The following MRC1 variants were observed in gnomAD, a reference collection of about 807,000 sequenced individuals.
The protein encoded by MRC1 is mannose receptor C-type 1, also known as macrophage mannose receptor 1.
Under a neutral mutation model 102.9 loss-of-function variants are expected in MRC1, and 62 were observed. The observed-to-expected ratio is 0.60, with a 90% CI of 0.49 to 0.74. The LOEUF is 0.74. Among genes scored for constraint, MRC1 ranks in the 30% least tolerant of loss-of-function variants. The pLI is 0.00. For synonymous variants in MRC1, 457 were observed against 298.4 expected (o/e 1.53, Z -5.48); for missense variants, 1,237 against 862.8 (o/e 1.43, Z -5.43).
chr10:17,828,304 C>T (rs1440623528), intron 3 of MRC1, among the ~76,000 whole-genome samples: 1 of 151,452 alleles, frequency 6.6e-6, no homozygotes, highest in African/African-American at 2.5e-5. Context: ...TCTCGATCTG[C>T]TAACCTCGTG....
At chr10:17,835,708 C>T (rs1255855243) in intron 4 of MRC1, among the ~76,000 whole-genome samples, 1 of 152,172 alleles carries the variant, frequency 6.6e-6, no homozygotes, top group Non-Finnish European at 1.5e-5. Context: ...AATTCAGTCT[C>T]CTGTTTGGAA....
chr10:17,899,356 C>T (rs965556554), intron 24 of MRC1, among the ~76,000 whole-genome samples: 4 of 152,158 alleles, frequency 2.6e-5, no homozygotes, highest in African/African-American at 9.7e-5. Context: ...TTTCTTCTCA[C>T]AGACATGTTC....
chr10:17,859,983 G>A (rs1439986789), intron 9 of MRC1, among the ~76,000 whole-genome samples: 1 of 152,056 alleles, frequency 6.6e-6, no homozygotes, highest in Admixed American at 6.6e-5. Flanking sequence ...TTTAACCAAG[G>A]GGTTACCGGG....
chr10:17,900,592 A>G (rs1297809779), intron 24 of MRC1, among the ~76,000 whole-genome samples, 196 bp from the exon 25 acceptor site: 16 of 152,190 alleles, frequency 1.1e-4, no homozygotes, highest in African/African-American at 3.6e-4. Context: ...TCTAAGAAAT[A>G]ACTGTTTCTA....
chr10:17,838,028 G>T (rs1406331239), intron 4 of MRC1, among the ~76,000 whole-genome samples: 1 of 151,908 alleles, frequency 6.6e-6, no homozygotes, highest in African/African-American at 2.4e-5. Flanking sequence ...GCAACCTCAT[G>T]AATAAATATT....
intron 29 of MRC1, among the ~76,000 whole-genome samples, chr10:17,909,639 G>T (rs1833942838): frequency 6.6e-6 from 1 of 150,472 alleles, no homozygotes; most frequent in African/African-American, 2.4e-5. Flanking sequence ...ATCTCTGTGG[G>T]TTTTTTTCTT....
intron 1 of MRC1, among the ~76,000 whole-genome samples, chr10:17,811,783 C>A (rs1053835660): frequency 0.077 from 11,664 of 151,940 alleles, 529 homozygotes; most frequent in Non-Finnish European, 0.097. Context: ...GATGGGGTCT[C>A]ACTATCTTGC....
chr10:17,899,859 G>A (rs1304828259), intron 24 of MRC1, among the ~76,000 whole-genome samples: 2 of 152,092 alleles, frequency 1.3e-5, no homozygotes, highest in South Asian at 2.1e-4. Flanking sequence ...AGCAGTTTGG[G>A]AGGCTGAGGC....
At chr10:17,879,114 C>T (rs1457549224) in intron 18 of MRC1, among the ~76,000 whole-genome samples, 3 of 152,088 alleles carry the variant, frequency 2.0e-5, no homozygotes, top group African/African-American at 4.8e-5. Context: ...CCGGGGAGTA[C>T]GATGGGAGGA....
chr10:17,845,500 C>G (rs900816145), intron 6 of MRC1, 65 bp downstream of exon 6: 8 of 776,292 alleles, frequency 1.0e-5, no homozygotes, highest in Non-Finnish European at 1.9e-5. Context: ...AACATTACAG[C>G]TTAGGTGTAA....
intron 2 of MRC1, among the ~76,000 whole-genome samples, chr10:17,826,098 G>C (rs1838470476): frequency 6.6e-6 from 1 of 152,042 alleles, no homozygotes; most frequent in African/African-American, 2.4e-5. Context: ...AAAGAAAAGA[G>C]GTCAATAACT....
intron 26 of MRC1, among the ~76,000 whole-genome samples, chr10:17,904,008 T>C (rs1454528001): frequency 1.3e-5 from 2 of 152,178 alleles, no homozygotes; most frequent in African/African-American, 2.4e-5. Context: ...TTAATTTTAA[T>C]AGTGTACAAA....
intron 27 of MRC1, 129 bp from the exon 28 acceptor site, chr10:17,907,405 T>G (rs2130725549): frequency 1.4e-6 from 1 of 711,194 alleles, no homozygotes; most frequent in Admixed American, 2.1e-5. Flanking sequence ...GCCTGTTAAG[T>G]CTGGTTATAA....
intron 24 of MRC1, among the ~76,000 whole-genome samples, chr10:17,899,740 A>C (rs1833802768): frequency 6.6e-6 from 1 of 152,174 alleles, no homozygotes; most frequent in South Asian, 2.1e-4. Context: ...TTGATAAATA[A>C]TATTTTGATG....
chr10:17,827,742 G>A lies in MRC1; in HGVS notation c.637+27G>A, dbSNP rs1368307698. On this transcript the variant is annotated intron_variant, in intron 3 of 29. Transcript: ENST00000569591. ...TAAGTACTGTTTATCACCAAGAAAA[G>A]TTGGGCACATTTAGTCTGATAATGT... 3 of 780,414 alleles carry A rather than the reference G, an allele frequency of 3.8e-6. No individual in the cohort carries two copies. The African/African-American group carries it at 5.1e-5, about 13-fold the overall frequency. The allele number at this position is 780,414 out of a possible 1,614,324, so 48.3% of individuals were successfully genotyped here.
chr10:17,833,493 C>T (rs1212940296), intron 3 of MRC1, among the ~76,000 whole-genome samples, 182 bp from the exon 4 acceptor site: 1 of 144,436 alleles, frequency 6.9e-6, no homozygotes, highest in Non-Finnish European at 1.5e-5. Context: ...TGCACTCCAG[C>T]CTGGGCAACA....
At chr10:17,837,264 T>C (rs1268061859) in intron 4 of MRC1, among the ~76,000 whole-genome samples, 1 of 152,216 alleles carries the variant, frequency 6.6e-6, no homozygotes, top group African/African-American at 2.4e-5. Flanking sequence ...TTCACTGGCA[T>C]CTGGATAAGA....
intron 22 of MRC1, among the ~76,000 whole-genome samples, chr10:17,890,350 G>A (rs1166037310): frequency 6.6e-6 from 1 of 152,088 alleles, no homozygotes; most frequent in African/African-American, 2.4e-5. Context: ...CTGGATCTGT[G>A]ATTTGCTGTC....
Position 17,849,697 on chromosome 10 carries a change from A to C in MRC1, c.1182A>C (p.Glu394Asp). The C allele has an allele frequency of 1.3e-6, 1 of 780,964 alleles. No individual in the cohort carries two copies. Among genetic ancestry groups the C allele is most frequent in the Non-Finnish European group, 2.4e-6 (1 of 418,106 alleles). The allele number at this position is 780,964 out of a possible 1,614,324, so 48.4% of individuals were successfully genotyped here. A position where few individuals can be genotyped will look rare whatever the true frequency, so the allele number is the denominator to read the frequency against. ...QRDALTTCRK[E>D]GGDLTSIHTI... ...ATGCTCTGACCACCTGCAGGAAGGAAGGCGGTGACCTCACAAGTATCCACA... is the reference window on the plus strand; with the variant it reads ...ATGCTCTGACCACCTGCAGGAAGGACGGCGGTGACCTCACAAGTATCCACA... The change falls in exon 7 of 30, where the codon GAA becomes GAC. Residue 394 changes from glutamate to aspartate, a missense_variant. By Grantham distance (45) the Glu-to-Asp change is conservative (BLOSUM62 2). Coordinates refer to ENST00000569591, the MANE Select transcript of MRC1 (RefSeq NM_002438.4).
Sources: allele counts gnomAD v4.1 joint callset (sites outside exome capture counted in the v4.1 genomes callset), GRCh38; gene constraint gnomAD v4.1.1; transcripts MANE v1.5; gene names NCBI Gene and HGNC (gene_info 2026-07-23, HGNC 2026-07-21).